ATP10A: variants seen among roughly 807,000 people sequenced by gnomAD.
ATP10A encodes phospholipid-transporting ATPase VA.
Under a neutral mutation model 147.8 loss-of-function variants are expected in ATP10A, and 111 were observed. The ratio of observed to expected loss-of-function variants is 0.75; its 90% CI spans 0.64 to 0.88. ATP10A has a LOEUF of 0.88. ATP10A is among the 40% of genes least tolerant of loss of function. The pLI is 0.00. For synonymous variants in ATP10A, 875 were observed against 841.6 expected, an observed-to-expected ratio of 1.04 and a Z score of -0.69; for missense variants, 1,927 against 1,959.0, an observed-to-expected ratio of 0.98 and a Z score of 0.31.
chr15:25,821,322 G>C (rs933495998), intron 1 of ATP10A, among the ~76,000 whole-genome samples: 3 of 151,956 alleles, frequency 2.0e-5, no homozygotes, highest in African/African-American at 7.2e-5. Context: ...CCGGGAGATC[G>C]AGGCTGCAAT....
At chr15:25,756,174 C>T (rs1888397376) in intron 2 of ATP10A, among the ~76,000 whole-genome samples, 2 of 152,094 alleles carry the variant, frequency 1.3e-5, no homozygotes. Flanking sequence ...TTGTTTAGGA[C>T]AATGGAACAG....
intron 2 of ATP10A, among the ~76,000 whole-genome samples, chr15:25,757,093 A>C (rs1372790770): frequency 6.6e-6 from 1 of 152,242 alleles, no homozygotes; most frequent in African/African-American, 2.4e-5. Flanking sequence ...ATAGATACTC[A>C]TTAAATGTTT....
chr15:25,796,654 C>T (rs1890684343), intron 1 of ATP10A, among the ~76,000 whole-genome samples: 1 of 152,176 alleles, frequency 6.6e-6, no homozygotes, highest in South Asian at 2.1e-4. Flanking sequence ...AGTCATGGAC[C>T]CTCCACAGGT....
chr15:25,797,437 G>A (rs529139491), intron 1 of ATP10A, among the ~76,000 whole-genome samples: 1 of 151,752 alleles, frequency 6.6e-6, no homozygotes, highest in African/African-American at 2.4e-5. Context: ...CCTGGCCCCT[G>A]GCCCCTGCCC....
intron 1 of ATP10A, among the ~76,000 whole-genome samples, chr15:25,813,762 G>A (rs1418747200): frequency 6.6e-6 from 1 of 151,888 alleles, no homozygotes; most frequent in Non-Finnish European, 1.5e-5. Flanking sequence ...CCCACTGATG[G>A]GATTAATGAC....
intron 1 of ATP10A, among the ~76,000 whole-genome samples, chr15:25,850,690 C>T (rs184833964): frequency 2.2e-4 from 31 of 142,396 alleles, no homozygotes; most frequent in African/African-American, 7.7e-4. Context: ...CAGGGCGAGA[C>T]CACGCCCACC....
intron 1 of ATP10A, among the ~76,000 whole-genome samples, chr15:25,848,532 C>T (rs557180220): frequency 1.1e-4 from 17 of 152,172 alleles, no homozygotes; most frequent in South Asian, 4.2e-4. Context: ...TTCGGCAGGG[C>T]GGCGGGAGAG....
intron 2 of ATP10A, among the ~76,000 whole-genome samples, chr15:25,777,128 G>A (rs979564625): frequency 2.7e-5 from 3 of 112,006 alleles, no homozygotes; most frequent in Non-Finnish European, 5.9e-5. Context: ...TACCCGTTCC[G>A]CACTGCCCAC....
At chr15:25,695,168 A>G in intron 13 of ATP10A, 22 bp from the exon 14 acceptor site, 1 of 1,583,422 alleles carries the variant, frequency 6.3e-7, no homozygotes, top group South Asian at 1.1e-5. Flanking sequence ...ATGAGAGGAC[A>G]GCGCAGTTCC....
chr15:25,706,849 C>T (rs1901055045), intron 12 of ATP10A, among the ~76,000 whole-genome samples: 1 of 152,192 alleles, frequency 6.6e-6, no homozygotes, highest in Admixed American at 6.5e-5. Context: ...TGGGCGGGCA[C>T]GTCTGGGACA....
chr15:25,764,722 C>T (rs1223514882), intron 2 of ATP10A, among the ~76,000 whole-genome samples: 1 of 152,206 alleles, frequency 6.6e-6, no homozygotes, highest in Non-Finnish European at 1.5e-5. Context: ...CCAAGATATT[C>T]CCTTTCCAAC....
chr15:25,861,435 T>G (rs893037903), intron 1 of ATP10A, among the ~76,000 whole-genome samples: 1 of 152,160 alleles, frequency 6.6e-6, no homozygotes, highest in South Asian at 2.1e-4. Context: ...TTACTCTGTT[T>G]ACAAAAATAT....
intron 6 of ATP10A, among the ~76,000 whole-genome samples, chr15:25,722,810 T>A (rs1395912776): frequency 2.0e-5 from 3 of 152,218 alleles, no homozygotes; most frequent in African/African-American, 7.2e-5. Flanking sequence ...AGGTTGGTAG[T>A]GACCCCACTG....
intron 2 of ATP10A, among the ~76,000 whole-genome samples, chr15:25,747,298 A>C (rs1887898606): frequency 6.6e-6 from 1 of 151,622 alleles, no homozygotes; most frequent in Non-Finnish European, 1.5e-5. Flanking sequence ...AAAAAAAAAA[A>C]AAAAAAAAGA....
intron 1 of ATP10A, among the ~76,000 whole-genome samples, chr15:25,860,779 T>A (rs950438355): frequency 3.9e-5 from 6 of 152,196 alleles, no homozygotes; most frequent in Non-Finnish European, 8.8e-5. Flanking sequence ...CAACCTCAGT[T>A]TCCTCATCGG....
At chr15:25,824,561 T>G (rs1244353968) in intron 1 of ATP10A, among the ~76,000 whole-genome samples, 2 of 27,484 alleles carry the variant, frequency 7.3e-5, no homozygotes, top group African/African-American at 1.0e-4. Flanking sequence ...TTGTGTGTGT[T>G]TTTTTTTTTT....
chr15:25,757,352 A>G (rs939436352), intron 2 of ATP10A, among the ~76,000 whole-genome samples: 2 of 152,126 alleles, frequency 1.3e-5, no homozygotes, highest in Non-Finnish European at 2.9e-5. Flanking sequence ...CAAAAAATAA[A>G]GGTTAAAATT....
At chr15:25,832,981 C>CTTTTTTTTT (rs202037774) in intron 1 of ATP10A, among the ~76,000 whole-genome samples, 4 of 124,218 alleles carry the variant, frequency 3.2e-5, no homozygotes, top group Non-Finnish European at 6.8e-5. Context: ...CTATTTTATT[C>CTTTTTTTTT]TTTTTTTTTT....
intron 2 of ATP10A, among the ~76,000 whole-genome samples, chr15:25,766,093 C>T (rs778292559): frequency 4.6e-5 from 7 of 152,280 alleles, no homozygotes; most frequent in East Asian, 3.9e-4. Context: ...TACATGGTGG[C>T]GGCAAGACAA....
Sources: allele counts gnomAD v4.1 joint callset (sites outside exome capture counted in the v4.1 genomes callset), GRCh38; gene constraint gnomAD v4.1.1; transcripts MANE v1.5; gene names NCBI Gene and HGNC (gene_info 2026-07-23, HGNC 2026-07-21).